Variants in RBFOX3 observed in about 807,000 individuals in gnomAD.
The protein encoded by RBFOX3 is RNA binding protein fox-1 homolog 3.
Under a neutral mutation model 48.7 loss-of-function variants are expected in RBFOX3, and 17 were observed. The ratio of observed to expected loss-of-function variants is 0.35; its 90% CI spans 0.24 to 0.52. The LOEUF (loss-of-function observed/expected upper bound fraction) is 0.52, where lower values mean the gene tolerates loss of function less well. RBFOX3 is among the 20% of genes least tolerant of loss of function. RBFOX3 has a pLI of 0.94. For missense variants in RBFOX3, 382 were observed against 497.5 expected (o/e 0.77, Z 2.21); for synonymous variants, 212 against 209.5 (o/e 1.01, Z -0.10).
At chr17:79,110,304 T>TG (rs1172025514) in intron 5 of RBFOX3, among the ~76,000 whole-genome samples, 1 of 151,728 alleles carries the variant, frequency 6.6e-6, no homozygotes, top group Non-Finnish European at 1.5e-5. Flanking sequence ...AAGTTCGGGG[T>TG]GGGGGTCTAG....
intron 2 of RBFOX3, among the ~76,000 whole-genome samples, chr17:79,368,319 C>T (rs984050653): frequency 6.6e-6 from 1 of 152,196 alleles, no homozygotes; most frequent in Non-Finnish European, 1.5e-5. Flanking sequence ...CTCCACCAGC[C>T]TGGGGCTGTA....
chr17:79,639,152 AT>A, the RBFOX3 span, among the ~76,000 whole-genome samples: 1 of 151,900 alleles, frequency 6.6e-6, no homozygotes, highest in Non-Finnish European at 1.5e-5. Flanking sequence ...TTCCAAGCTA[AT>A]TTTATTTATT....
rs776796401 is a variant in RBFOX3 at position 79,115,644 on chromosome 17, C to G, written c.72G>C (p.Pro24=). 1.1e-5 allele frequency: 11 copies of G among 978,034 alleles called. No individual in the cohort carries two copies. The highest frequency in any genetic ancestry group is 8.5e-5 in the East Asian group (1 of 11,738). 60.6% of individuals were successfully genotyped at this position (978,034 alleles called of 1,614,324 possible). The part of the protein sequence containing the change: ...PQNGIPAEYA[P]PPPHPTQDYS... The stretch of plus-strand genomic sequence containing the variant: ...AGTCCTGCGTGGGGTGCGGTGGGGG[C>G]GGGGCGTACTCGGCAGGGATGCCGT... Residue 24 remains proline (P), a synonymous_variant, in exon 5 of 15, where the codon CCG becomes CCC. Transcript: ENST00000693108.
intron 2 of RBFOX3, among the ~76,000 whole-genome samples, chr17:79,310,471 C>A (rs1001886247): frequency 1.3e-5 from 2 of 152,190 alleles, no homozygotes; most frequent in Non-Finnish European, 2.9e-5. Flanking sequence ...TGCACTCCTC[C>A]CAGTAGAGGC....
intron 4 of RBFOX3, among the ~76,000 whole-genome samples, chr17:79,155,169 C>G (rs569775257): frequency 1.3e-5 from 2 of 152,392 alleles, no homozygotes; most frequent in South Asian, 4.1e-4. Flanking sequence ...CGCGTCCCTC[C>G]CCGCCCGGGG....
Position 79,198,212 on chromosome 17 carries a change from A to G in RBFOX3, c.-34+37554T>C, listed in dbSNP as rs2056070094. Among the ~76,000 whole-genome samples the G allele has an allele frequency of 6.6e-6, 1 of 152,200 alleles. No individual in the cohort carries two copies. The highest frequency in any genetic ancestry group is 6.5e-5 in the Admixed American group (1 of 15,280). ...GCTGGACCATCCTCAACACTGGACC[A>G]GACCAGAAGGGGAAATCATGGGTGA... On this transcript the variant is annotated intron_variant, in intron 4 of 14. Transcript: ENST00000693108. The surrounding 1 kb of genome is among the most constrained non-coding windows in gnomAD (Gnocchi z 8.2).
chr17:79,367,861 A>G (rs1944094907), intron 2 of RBFOX3, among the ~76,000 whole-genome samples: 1 of 152,138 alleles, frequency 6.6e-6, no homozygotes, highest in Non-Finnish European at 1.5e-5. Flanking sequence ...CACTGTGGAC[A>G]ATCCACCGAC....
intron 1 of RBFOX3, among the ~76,000 whole-genome samples, chr17:79,557,622 G>A (rs1171602741): frequency 6.6e-6 from 1 of 152,236 alleles, no homozygotes; most frequent in African/African-American, 2.4e-5. Context: ...AGCGGCTGTT[G>A]GTGAGGCCGA....
At chr17:79,095,712 C>T (rs2075094116) in intron 12 of RBFOX3, 138 bp from the exon 13 acceptor site, 16 of 723,018 alleles carry the variant, frequency 2.2e-5, no homozygotes, top group Admixed American at 5.0e-5. Context: ...CTCCCAGCCT[C>T]GGCTGGGTAA....
chr17:79,442,362 G>GGAGA (rs1188141711), intron 2 of RBFOX3, among the ~76,000 whole-genome samples: 4 of 7,448 alleles, frequency 5.4e-4, no homozygotes, highest in African/African-American at 1.7e-3. Context: ...GAAGAGGGGG[G>GGAGA]GAGAGAGAGA....
rs1210687689 is a variant in RBFOX3 at position 79,195,185 on chromosome 17, C to G, written c.-34+40581G>C. Among the ~76,000 whole-genome samples, 2 of 152,118 alleles carry G rather than the reference C, an allele frequency of 1.3e-5. No individual in the cohort carries two copies. Among genetic ancestry groups the G allele is most frequent in the African/African-American group, 4.8e-5 (2 of 41,426 alleles). Reference sequence around the variant, plus strand: ...CTGAGGCAGGTGGATCACCTGAGGTCAGGAGTTCGAGACCAGCCTGGTCAA... The same window carrying G: ...CTGAGGCAGGTGGATCACCTGAGGTGAGGAGTTCGAGACCAGCCTGGTCAA... On this transcript the variant is annotated intron_variant, in intron 4 of 14. Coordinates refer to ENST00000693108, the MANE Select transcript of RBFOX3 (RefSeq NM_001350451.2). The surrounding 1 kb of genome is among the most constrained non-coding windows in gnomAD (Gnocchi z 5.3).
chr17:79,175,899 G>A (rs916747336), intron 4 of RBFOX3, among the ~76,000 whole-genome samples: 1 of 152,236 alleles, frequency 6.6e-6, no homozygotes, highest in Non-Finnish European at 1.5e-5. Context: ...GGAAGGGCAA[G>A]ACGGCTGGTG....
intron 4 of RBFOX3, among the ~76,000 whole-genome samples, chr17:79,171,300 G>C (rs2016341): frequency 0.74 from 113,347 of 152,212 alleles, 43,198 homozygotes; most frequent in African/African-American, 0.92. Context: ...GTTAGGAAAC[G>C]TAACATCACC....
chr17:79,502,926 G>A (rs2082576069), intron 1 of RBFOX3, among the ~76,000 whole-genome samples: 1 of 152,160 alleles, frequency 6.6e-6, no homozygotes, highest in African/African-American at 2.4e-5. Context: ...GTCCTGTCCC[G>A]ATCAGCTCAG....
intron 4 of RBFOX3, among the ~76,000 whole-genome samples, chr17:79,182,251 A>G (rs1466575249): frequency 6.6e-6 from 1 of 152,182 alleles, no homozygotes; most frequent in African/African-American, 2.4e-5. Context: ...AGGCTCCTCC[A>G]GCAGCCGCCC....
chr17:79,162,236 G>A (rs1382014162), intron 4 of RBFOX3, among the ~76,000 whole-genome samples: 2 of 152,244 alleles, frequency 1.3e-5, no homozygotes, highest in Non-Finnish European at 2.9e-5. Context: ...CACAGACATT[G>A]TTTAATTTGT....
chr17:79,344,848 G>A (rs560844118), intron 2 of RBFOX3, among the ~76,000 whole-genome samples: 5 of 152,136 alleles, frequency 3.3e-5, no homozygotes, highest in South Asian at 2.1e-4. Flanking sequence ...GAGCCACCAC[G>A]CCCGGCCATC....
At chr17:79,284,188 A>T (rs1447626128) in intron 3 of RBFOX3, among the ~76,000 whole-genome samples, 1 of 152,164 alleles carries the variant, frequency 6.6e-6, no homozygotes, top group Non-Finnish European at 1.5e-5. Flanking sequence ...TCTACAGGAC[A>T]GTTGATTCTC....
At chr17:79,131,447 C>A (rs937192750) in intron 4 of RBFOX3, among the ~76,000 whole-genome samples, 1 of 152,218 alleles carries the variant, frequency 6.6e-6, no homozygotes, top group African/African-American at 2.4e-5. Flanking sequence ...GCAAACCCCA[C>A]GGCGTGAGCC....
Sources: gnomAD v4.1 joint callset for allele counts (sites outside exome capture counted in the v4.1 genomes callset) on GRCh38, gnomAD v4.1.1 for gene constraint, Gnocchi (gnomAD v3.1) non-coding constraint, MANE v1.5 for transcripts, NCBI Gene and HGNC (gene_info 2026-07-23, HGNC 2026-07-21) for gene names.